Variants in PLXNC1 observed in about 807,000 individuals in gnomAD.
The protein encoded by PLXNC1 is plexin C1, also known as plexin-C1.
A neutral mutation model predicts 178.2 loss-of-function variants in PLXNC1; 75 were observed. The ratio of observed to expected loss-of-function variants is 0.42; its 90% confidence interval spans 0.35 to 0.51. The LOEUF (loss-of-function observed/expected upper bound fraction) is 0.51. Among genes scored for constraint, PLXNC1 ranks in the 20% least tolerant of loss-of-function variants. The probability of loss-of-function intolerance (pLI) is 0.02; values close to 1 mark genes in which losing one functional copy is unlikely to be tolerated. For synonymous variants in PLXNC1, 790 were observed against 779.9 expected (o/e 1.01, Z -0.22); for missense variants, 1,503 against 1,984.4 (o/e 0.76, Z 4.61).
At chr12:94,191,129 T>C (rs1212116458) in intron 4 of PLXNC1, among the ~76,000 whole-genome samples, 1 of 152,246 alleles carries the variant, frequency 6.6e-6, no homozygotes, top group Non-Finnish European at 1.5e-5. Context: ...TTAAGACTTG[T>C]GCCTTAAATC....
chr12:94,288,383 C>G (rs1966913477), intron 23 of PLXNC1, among the ~76,000 whole-genome samples: 1 of 152,180 alleles, frequency 6.6e-6, no homozygotes, highest in South Asian at 2.1e-4. Context: ...GTGTTCAGGT[C>G]TTCGCAGTTT....
At chr12:94,164,513 G>A (rs1961515959) in intron 1 of PLXNC1, among the ~76,000 whole-genome samples, 1 of 152,076 alleles carries the variant, frequency 6.6e-6, no homozygotes, top group African/African-American at 2.4e-5. Context: ...AGCTCTAGAG[G>A]GTGCCTTTCA....
chr12:94,249,704 C>A (rs1244332261), intron 14 of PLXNC1, among the ~76,000 whole-genome samples: 1 of 152,014 alleles, frequency 6.6e-6, no homozygotes, highest in African/African-American at 2.4e-5. Context: ...ACTCAACTCA[C>A]CAGTGTTCCC....
At chr12:94,240,344 A>T in intron 10 of PLXNC1, 141 bp from the exon 11 acceptor site, 1 of 619,878 alleles carries the variant, frequency 1.6e-6, no homozygotes, top group Admixed American at 3.0e-5. Flanking sequence ...CTGGCCCCTC[A>T]TGAGTCAGTA....
At chr12:94,245,045 C>CG (rs1404395667) in intron 12 of PLXNC1, among the ~76,000 whole-genome samples, 1 of 152,192 alleles carries the variant, frequency 6.6e-6, no homozygotes, top group Non-Finnish European at 1.5e-5. Context: ...ACCCAAATTC[C>CG]GGGGGCCGCC....
intron 7 of PLXNC1, among the ~76,000 whole-genome samples, chr12:94,225,507 T>A (rs1963912305): frequency 6.6e-6 from 1 of 152,046 alleles, no homozygotes; most frequent in Non-Finnish European, 1.5e-5. Context: ...CAAAAATTGC[T>A]ACAGAAAGCC....
intron 4 of PLXNC1, among the ~76,000 whole-genome samples, chr12:94,203,588 G>C (rs1963206124): frequency 6.6e-6 from 1 of 152,128 alleles, no homozygotes; most frequent in African/African-American, 2.4e-5. Flanking sequence ...CAAAATTTTT[G>C]AGCAATTAGG....
intron 13 of PLXNC1, 53 bp from the exon 14 acceptor site, chr12:94,248,174 C>G: frequency 6.3e-7 from 1 of 1,592,322 alleles, no homozygotes; most frequent in Non-Finnish European, 8.6e-7. Flanking sequence ...TGTTTATGCT[C>G]GTGAGTTTCT....
At chr12:94,210,925 A>G (rs190237854) in intron 5 of PLXNC1, among the ~76,000 whole-genome samples, 14 of 152,376 alleles carry the variant, frequency 9.2e-5, no homozygotes, top group African/African-American at 3.1e-4. Flanking sequence ...AATAGAGAAT[A>G]GTAGAAAGTA....
At chr12:94,192,385 C>T (rs1019506571) in intron 4 of PLXNC1, among the ~76,000 whole-genome samples, 1 of 151,736 alleles carries the variant, frequency 6.6e-6, no homozygotes, top group Non-Finnish European at 1.5e-5. Flanking sequence ...GCTCAGGATA[C>T]AGTTCTTTCT....
intron 23 of PLXNC1, among the ~76,000 whole-genome samples, chr12:94,286,849 G>A (rs1047387909): frequency 2.0e-5 from 3 of 152,028 alleles, no homozygotes; most frequent in Non-Finnish European, 4.4e-5. Flanking sequence ...AGCTGGTCTC[G>A]TCTGAATGAT....
chr12:94,159,344 C>T (rs1162947972), intron 1 of PLXNC1, among the ~76,000 whole-genome samples: 1 of 152,172 alleles, frequency 6.6e-6, no homozygotes, highest in Admixed American at 6.5e-5. Context: ...AGGCACTTCA[C>T]TAAACAGGTA....
intron 20 of PLXNC1, among the ~76,000 whole-genome samples, chr12:94,264,294 C>T (rs549733419): frequency 6.6e-6 from 1 of 152,280 alleles, no homozygotes; most frequent in South Asian, 2.1e-4. Flanking sequence ...ATTTCCATCA[C>T]AGCAGGGGAG....
Position 94,186,586 on chromosome 12 carries a change from C to T in PLXNC1, c.1439+113C>T, listed in dbSNP as rs901868334. ...TCCAGTGACCTGAGGGAACTGATCT[C>T]TTCCTCGACTAAAATCTTGTTGTGC... On this transcript the variant is annotated intron_variant, in intron 4 of 30. Coordinates refer to ENST00000258526, the MANE Select transcript of PLXNC1 (RefSeq NM_005761.3). The T allele has an allele frequency of 2.9e-5, 20 of 684,290 alleles. No homozygotes were observed. In the East Asian group the frequency reaches 5.3e-4, roughly 18 times the overall value. The allele number at this position is 684,290 out of a possible 1,614,324, so 42.4% of individuals were successfully genotyped here. A position where few individuals can be genotyped will look rare whatever the true frequency, so the allele number is the denominator to read the frequency against.
At chr12:94,152,262 G>A (rs142275013) in intron 1 of PLXNC1, among the ~76,000 whole-genome samples, 78 of 152,296 alleles carry the variant, frequency 5.1e-4, no homozygotes, top group African/African-American at 1.9e-3. Flanking sequence ...AATTTCAAGA[G>A]GAGTTTGAAT....
Position 94,303,749 on chromosome 12 carries a change from T to TTTTC in PLXNC1, c.4387-7_4387-6insTTTC. 7.4e-7 allele frequency: 1 copy of TTTTC among 1,344,374 alleles called. No homozygotes were observed. Among genetic ancestry groups the TTTTC allele is most frequent in the Non-Finnish European group, 9.7e-7 (1 of 1,027,086 alleles). 83.3% of individuals were successfully genotyped at this position (1,344,374 alleles called of 1,614,324 possible). On this transcript the variant is annotated splice_polypyrimidine_tract_variant and splice_region_variant and intron_variant, in intron 28 of 30. Transcript: ENST00000258526. The stretch of plus-strand genomic sequence containing the variant: ...GATGGTTGCTTTTTTTTTTTTTTTT[T>TTTTC]CCCCAGGAAGCACCAACTAATAAGC...
At chr12:94,205,380 A>G (rs1000630560) in intron 4 of PLXNC1, among the ~76,000 whole-genome samples, 3 of 152,268 alleles carry the variant, frequency 2.0e-5, no homozygotes, top group Admixed American at 6.5e-5. Flanking sequence ...GAAAACTGCT[A>G]TATAATGCAA....
At chr12:94,274,565 G>A (rs1965799344) in intron 21 of PLXNC1, among the ~76,000 whole-genome samples, 7 of 152,210 alleles carry the variant, frequency 4.6e-5, no homozygotes, top group Admixed American at 4.6e-4. Context: ...AAGGAAATAG[G>A]AAGAGGCAGG....
chr12:94,197,350 CATT>C (rs1962952268), intron 4 of PLXNC1, among the ~76,000 whole-genome samples: 1 of 152,048 alleles, frequency 6.6e-6, no homozygotes, highest in African/African-American at 2.4e-5. Flanking sequence ...GGATTAATGA[CATT>C]ATCACAGGAG....
Sources: gnomAD v4.1 joint callset for allele counts (sites outside exome capture counted in the v4.1 genomes callset) on GRCh38, gnomAD v4.1.1 for gene constraint, MANE v1.5 for transcripts, NCBI Gene and HGNC (gene_info 2026-07-23, HGNC 2026-07-21) for gene names.